RNF13: variants seen among roughly 807,000 people sequenced by gnomAD.
RNF13 encodes the protein ring finger protein 13, also known as E3 ubiquitin-protein ligase RNF13.
RNF13 carries 19 observed loss-of-function variants against 37.7 expected under a neutral mutation model. The observed-to-expected ratio is 0.50, with a 90% CI of 0.35 to 0.74. The LOEUF is 0.74. RNF13 is among the 30% of genes least tolerant of loss of function. The probability of loss-of-function intolerance (pLI) is 0.01; values close to 1 mark genes in which losing one functional copy is unlikely to be tolerated. For synonymous variants in RNF13, 144 were observed against 157.8 expected (o/e 0.91, Z 0.65); for missense variants, 375 against 453.0 (o/e 0.83, Z 1.56).
At chr3:149,823,737 TAA>T (rs1024660460) in intron 1 of RNF13, among the ~76,000 whole-genome samples, 1 of 152,134 alleles carries the variant, frequency 6.6e-6, no homozygotes, top group Non-Finnish European at 1.5e-5. Context: ...TAATTTCAAG[TAA>T]AAAAGCATAC....
chr3:149,828,858 G>A (rs1417023755), intron 1 of RNF13, among the ~76,000 whole-genome samples: 1 of 152,130 alleles, frequency 6.6e-6, no homozygotes, highest in Non-Finnish European at 1.5e-5. Context: ...TAGGTTTTCT[G>A]TCTGCATCTC....
At chr3:149,852,627 A>C in intron 3 of RNF13, 31 bp downstream of exon 3, 1 of 1,026,364 alleles carries the variant, frequency 9.7e-7, no homozygotes, top group South Asian at 1.8e-5. Context: ...TTGTAAAGAC[A>C]CAAGGTATTT....
chr3:149,924,907 A>T (rs1369203491), intron 8 of RNF13, among the ~76,000 whole-genome samples: 1 of 152,212 alleles, frequency 6.6e-6, no homozygotes, highest in African/African-American at 2.4e-5. Context: ...TTGCACAAAA[A>T]GGTGAACTGG....
intron 6 of RNF13, 52 bp from the exon 7 acceptor site, chr3:149,911,926 C>T (rs1717035052): frequency 2.2e-6 from 2 of 930,232 alleles, no homozygotes; most frequent in African/African-American, 3.3e-5. Flanking sequence ...TAATTAACAT[C>T]AGAATTTAAC....
chr3:149,922,793 G>C (rs1475334086), intron 8 of RNF13, among the ~76,000 whole-genome samples: 10 of 152,144 alleles, frequency 6.6e-5, no homozygotes, highest in Non-Finnish European at 1.3e-4. Flanking sequence ...AGTATTGACA[G>C]AACTAGAGGA....
chr3:149,847,973 T>C (rs1208553874), intron 2 of RNF13, among the ~76,000 whole-genome samples: 1 of 152,208 alleles, frequency 6.6e-6, no homozygotes, highest in East Asian at 1.9e-4. Flanking sequence ...ATAACCTTGA[T>C]CAAATTACTC....
chr3:149,894,641 G>A lies in RNF13; in HGVS notation c.322-832G>A, dbSNP rs1715053296. ...TTTCAAGAGTTTCTTACTATCATTA[G>A]TATCCAGAACTATATATACTCAAAA... is the stretch of plus-strand genomic sequence containing the variant. On this transcript the variant is annotated intron_variant, in intron 4 of 9. Coordinates refer to ENST00000392894, the MANE Select transcript of RNF13 (RefSeq NM_183381.3). 3.3e-5 allele frequency among the ~76,000 whole-genome samples: 5 copies of A among 152,176 alleles called. No homozygotes were observed. In the Middle Eastern group the frequency reaches 0.017, roughly 518 times the overall value.
intron 2 of RNF13, 60 bp from the exon 3 acceptor site, chr3:149,852,454 CTT>C (rs1267388085): frequency 5.4e-5 from 35 of 653,802 alleles, no homozygotes; most frequent in Middle Eastern, 4.3e-4. Flanking sequence ...TTAAATAAGT[CTT>C]TGTTTTTAAT....
intron 8 of RNF13, among the ~76,000 whole-genome samples, chr3:149,945,911 A>G (rs1476941633): frequency 6.6e-6 from 1 of 152,230 alleles, no homozygotes; most frequent in Non-Finnish European, 1.5e-5. Context: ...CCAAAACCCC[A>G]TCTGTACTTC....
chr3:149,949,135 T>C (rs557721674), intron 8 of RNF13, among the ~76,000 whole-genome samples: 31 of 152,332 alleles, frequency 2.0e-4, no homozygotes, highest in African/African-American at 6.7e-4. Flanking sequence ...CTGGGACTTA[T>C]GTTTTTATTA....
intron 4 of RNF13, among the ~76,000 whole-genome samples, chr3:149,872,832 T>A (rs142094834): frequency 2.2e-4 from 34 of 152,344 alleles, no homozygotes; most frequent in Non-Finnish European, 5.9e-5. Flanking sequence ...AAAACCGCCC[T>A]GTCATGCTGT....
intron 6 of RNF13, 54 bp from the exon 7 acceptor site, chr3:149,911,924 A>G (rs1262278131): frequency 1.1e-6 from 1 of 922,600 alleles, no homozygotes; most frequent in Non-Finnish European, 1.8e-6. Flanking sequence ...TTTAATTAAC[A>G]TCAGAATTTA....
intron 1 of RNF13, among the ~76,000 whole-genome samples, chr3:149,824,570 AT>A (rs1720294144): frequency 6.6e-6 from 1 of 152,232 alleles, no homozygotes; most frequent in African/African-American, 2.4e-5. Context: ...AAACATTTTC[AT>A]TTAAAAACAT....
chr3:149,956,775 A>G (rs533616017), intron 8 of RNF13, among the ~76,000 whole-genome samples: 73 of 152,270 alleles, frequency 4.8e-4, no homozygotes, highest in African/African-American at 1.7e-3. Flanking sequence ...GTGAATTAGC[A>G]AAGTTTTGTT....
chr3:149,938,201 AGAGTCTC>A (rs1282150424), intron 8 of RNF13, among the ~76,000 whole-genome samples: 1 of 151,844 alleles, frequency 6.6e-6, no homozygotes, highest in Non-Finnish European at 1.5e-5. Flanking sequence ...ATTTTGAGAC[AGAGTCTC>A]GCTCTGTTGC....
chr3:149,838,275 T>C (rs11921151), intron 1 of RNF13, among the ~76,000 whole-genome samples: 2,065 of 152,294 alleles, frequency 0.014, 48 homozygotes, highest in African/African-American at 0.048. Context: ...GGATCTACTA[T>C]TCTGGCGTCT....
intron 1 of RNF13, among the ~76,000 whole-genome samples, chr3:149,816,828 T>C (rs1719506839): frequency 6.6e-6 from 1 of 152,194 alleles, no homozygotes; most frequent in Non-Finnish European, 1.5e-5. Flanking sequence ...GAAGTAGGAA[T>C]ACCATGCAAT....
intron 8 of RNF13, among the ~76,000 whole-genome samples, chr3:149,949,028 G>GA (rs746401788): frequency 1.3e-3 from 186 of 140,252 alleles, no homozygotes; most frequent in African/African-American, 2.4e-3. Context: ...ACCCTGTCTA[G>GA]AAAAAAAAAA....
chr3:149,844,390 G>A (rs1269153808), intron 1 of RNF13, among the ~76,000 whole-genome samples: 1 of 152,166 alleles, frequency 6.6e-6, no homozygotes, highest in African/African-American at 2.4e-5. Context: ...AGCAAGTTGT[G>A]ACAACACATG....
Sources: gnomAD v4.1 joint callset for allele counts (sites outside exome capture counted in the v4.1 genomes callset) on GRCh38, gnomAD v4.1.1 for gene constraint, MANE v1.5 for transcripts, NCBI Gene and HGNC (gene_info 2026-07-23, HGNC 2026-07-21) for gene names.